CNKSR3: variants seen among roughly 807,000 people sequenced by gnomAD.
CNKSR3 encodes connector enhancer of kinase suppressor of ras 3.
CNKSR3 carries 36 observed loss-of-function variants against 67.7 expected under a neutral mutation model. That is an observed-to-expected ratio of 0.53 (90% CI 0.41 to 0.70). The LOEUF is 0.70. CNKSR3 is among the 30% of genes least tolerant of loss of function. CNKSR3 has a pLI of 0.00. For synonymous variants in CNKSR3, 281 were observed against 271.4 expected (o/e 1.04, Z -0.35); for missense variants, 630 against 695.2 (o/e 0.91, Z 1.05).
chr6:154,456,013 AAAAAC>A (rs1455001619), intron 1 of CNKSR3, among the ~76,000 whole-genome samples: 1 of 152,206 alleles, frequency 6.6e-6, no homozygotes, highest in Non-Finnish European at 1.5e-5. Context: ...AAAACAAACA[AAAAAC>A]AAAACAACAA....
At chr6:154,479,952 G>T (rs1786532480) in intron 1 of CNKSR3, among the ~76,000 whole-genome samples, 1 of 152,194 alleles carries the variant, frequency 6.6e-6, no homozygotes, top group South Asian at 2.1e-4. Flanking sequence ...AACAGACTGG[G>T]GGTTTAACTG....
Position 154,479,537 on chromosome 6 carries a change from G to A in CNKSR3, c.53-29279C>T, listed in dbSNP as rs1337204882. On this transcript the variant is annotated intron_variant, in intron 1 of 12. Coordinates refer to ENST00000607772, the MANE Select transcript of CNKSR3 (RefSeq NM_173515.4). Reference sequence around the variant, plus strand: ...ACAAAAGAAAGCGGGGGTAAAAATCGTTTCCATATTTCACATAAACACAGA... The same window carrying A: ...ACAAAAGAAAGCGGGGGTAAAAATCATTTCCATATTTCACATAAACACAGA... Among the ~76,000 whole-genome samples, 7 of 152,020 alleles carry A rather than the reference G, an allele frequency of 4.6e-5. No individual in the cohort carries two copies. In the South Asian group the frequency reaches 6.2e-4, roughly 14 times the overall value.
chr6:154,421,292 G>A (rs952159532), intron 9 of CNKSR3, among the ~76,000 whole-genome samples: 4 of 152,154 alleles, frequency 2.6e-5, no homozygotes, highest in Non-Finnish European at 5.9e-5. Flanking sequence ...GGGATTACCG[G>A]CGTGAGCCAC....
chr6:154,452,886 C>T (rs768464939), intron 1 of CNKSR3, among the ~76,000 whole-genome samples: 8 of 152,226 alleles, frequency 5.3e-5, no homozygotes, highest in Non-Finnish European at 8.8e-5. Context: ...GCTGACACCT[C>T]GATCTCAGAC....
intron 7 of CNKSR3, among the ~76,000 whole-genome samples, chr6:154,426,503 G>A (rs576706399): frequency 1.3e-5 from 2 of 152,024 alleles, no homozygotes; most frequent in East Asian, 3.9e-4. Flanking sequence ...TTACAGATGC[G>A]TGCCACCACG....
At position 154,425,523 on chromosome 6, in the gene CNKSR3, T is replaced by C. The variant is rs529386793; in HGVS notation, c.730-2540A>G. 5.9e-5 allele frequency among the ~76,000 whole-genome samples: 9 copies of C among 152,330 alleles called. No homozygotes were observed. In the East Asian group the frequency reaches 1.7e-3, roughly 29 times the overall value. On this transcript the variant is annotated intron_variant, in intron 7 of 12. Coordinates refer to ENST00000607772, the MANE Select transcript of CNKSR3 (RefSeq NM_173515.4). Reference sequence around the variant, plus strand: ...GTGTTGGTTTGCTGCAGAAGGGTCATGACCTAGAGAATAATGCACCCATTC... The same window carrying C: ...GTGTTGGTTTGCTGCAGAAGGGTCACGACCTAGAGAATAATGCACCCATTC...
chr6:154,449,837 G>A (rs1785784809), intron 2 of CNKSR3, among the ~76,000 whole-genome samples: 1 of 152,220 alleles, frequency 6.6e-6, no homozygotes, highest in Non-Finnish European at 1.5e-5. Flanking sequence ...GTAAGTGAAT[G>A]GACATGGTTG....
chr6:154,465,491 CTG>C (rs1786178128), intron 1 of CNKSR3, among the ~76,000 whole-genome samples: 1 of 152,088 alleles, frequency 6.6e-6, no homozygotes, highest in Admixed American at 6.5e-5. Context: ...TGTACTATAA[CTG>C]TCCCACCTGG....
At chr6:154,430,659 T>C in intron 5 of CNKSR3, 68 bp from the exon 6 acceptor site, 4 of 1,452,460 alleles carry the variant, frequency 2.8e-6, no homozygotes, top group South Asian at 2.5e-5. Flanking sequence ...AGCTGATTTT[T>C]AGAGAAATGC....
intron 1 of CNKSR3, among the ~76,000 whole-genome samples, chr6:154,488,762 T>A (rs1277018134): frequency 2.0e-5 from 3 of 152,182 alleles, no homozygotes; most frequent in African/African-American, 7.2e-5. Context: ...GATCATATAC[T>A]CAGAAATCAT....
At chr6:154,488,935 G>A (rs1786729477) in intron 1 of CNKSR3, among the ~76,000 whole-genome samples, 1 of 152,168 alleles carries the variant, frequency 6.6e-6, no homozygotes, top group Non-Finnish European at 1.5e-5. Context: ...CTGAGTGTAC[G>A]TTTAACCCCA....
At position 154,398,075 on chromosome 6, in the gene CNKSR3, G is replaced by C. The variant is rs528229556; in HGVS notation, c.*8279C>G. The C allele has an allele frequency of 2.6e-5, 4 of 152,428 alleles. No individual in the cohort carries two copies. Among genetic ancestry groups the C allele is most frequent in the African/African-American group, 9.6e-5 (4 of 41,578 alleles). The allele number at this position is 152,428 out of a possible 1,614,324, so 9.4% of individuals were successfully genotyped here. On this transcript the variant is annotated 3_prime_UTR_variant, in exon 13 of 13. Coordinates refer to ENST00000607772, the MANE Select transcript of CNKSR3 (RefSeq NM_173515.4). ...TGGCCACATATCCACACCTTCACAG[G>C]GCTCTGCCTGACACACGGAGGACAC...
At chr6:154,488,243 CA>C (rs1355355244) in intron 1 of CNKSR3, among the ~76,000 whole-genome samples, 2 of 152,164 alleles carry the variant, frequency 1.3e-5, no homozygotes, top group African/African-American at 4.8e-5. Context: ...CTTTTGATGA[CA>C]ATTAAGTCAT....
rs550483262 is a variant in CNKSR3, at chr6:154,489,268, C to T, written c.52+20795G>A. The stretch of plus-strand genomic sequence containing the variant: ...TATTGCTGCTGGGCACGATGACTCA[C>T]GCCTGTAATTCCAGCACTTTGGGAG... On this transcript the variant is annotated intron_variant, in intron 1 of 12. Coordinates refer to ENST00000607772, the MANE Select transcript of CNKSR3 (RefSeq NM_173515.4). 2.1e-4 allele frequency among the ~76,000 whole-genome samples: 32 copies of T among 152,276 alleles called. No individual in the cohort carries two copies. The South Asian group carries it at 2.5e-3, about 12-fold the overall frequency.
At chr6:154,490,503 T>C (rs1378688015) in intron 1 of CNKSR3, among the ~76,000 whole-genome samples, 2 of 152,264 alleles carry the variant, frequency 1.3e-5, no homozygotes, top group African/African-American at 4.8e-5. Context: ...ATATCTAATA[T>C]GTATAATGTA....
chr6:154,477,430 C>T (rs1427975249), intron 1 of CNKSR3, among the ~76,000 whole-genome samples: 1 of 152,058 alleles, frequency 6.6e-6, no homozygotes, highest in Non-Finnish European at 1.5e-5. Context: ...CCTGTCTCAG[C>T]CTCCTGAGTA....
At position 154,422,376 on chromosome 6, in the gene CNKSR3, G is replaced by A. The variant is rs539334217; in HGVS notation, c.945+130C>T. ...TAGAATTCATATTTTCACATAGGCAGGAGTATAGGATAATTACATACAAAC... is the reference window on the plus strand; with the variant it reads ...TAGAATTCATATTTTCACATAGGCAAGAGTATAGGATAATTACATACAAAC... On this transcript the variant is annotated intron_variant, in intron 9 of 12. Transcript: ENST00000607772. The A allele has an allele frequency of 3.7e-5, 30 of 808,584 alleles. No homozygotes were observed. The Admixed American group carries it at 6.8e-4, about 18-fold the overall frequency. The allele number at this position is 808,584 out of a possible 1,614,324, so 50.1% of individuals were successfully genotyped here.
intron 1 of CNKSR3, among the ~76,000 whole-genome samples, chr6:154,497,785 C>T (rs2114655891): frequency 6.7e-6 from 1 of 149,896 alleles, no homozygotes; most frequent in East Asian, 1.9e-4. Context: ...GGGGTGAGTG[C>T]CATTCTGGAT....
At chr6:154,492,166 G>A (rs1202197500) in intron 1 of CNKSR3, among the ~76,000 whole-genome samples, 1 of 151,908 alleles carries the variant, frequency 6.6e-6, no homozygotes, top group Non-Finnish European at 1.5e-5. Context: ...CCTTGTTCTG[G>A]GAACACCTCC....
Sources: allele counts gnomAD v4.1 joint callset (sites outside exome capture counted in the v4.1 genomes callset), GRCh38; gene constraint gnomAD v4.1.1; transcripts MANE v1.5; gene names NCBI Gene and HGNC (gene_info 2026-07-23, HGNC 2026-07-21).